Variants in ENOSF1 observed in about 807,000 individuals in gnomAD.
The protein encoded by ENOSF1 is mitochondrial enolase superfamily member 1.
In ENOSF1, 73 loss-of-function variants were observed where a neutral mutation model predicts 68.2. That is an observed-to-expected ratio of 1.07 (90% CI 0.89 to 1.30). The LOEUF is 1.30. ENOSF1 is among the 50% of genes most tolerant of loss of function. The pLI, the probability that ENOSF1 is intolerant of heterozygous loss-of-function variation, is 0.00. For missense variants in ENOSF1, 589 were observed against 554.5 expected, an observed-to-expected ratio of 1.06 and a Z score of -0.62; for synonymous variants, 223 against 210.4, an observed-to-expected ratio of 1.06 and a Z score of -0.52.
At chr18:686,711 T>C (rs1033919027) in intron 9 of ENOSF1, 2 of 152,262 alleles carry the variant, frequency 1.3e-5, no homozygotes, top group African/African-American at 4.8e-5. Context: ...GTGTGGGCAC[T>C]GGCAGGTGGA....
chr18:691,152 A>G (rs1230235581), intron 6 of ENOSF1, 46 bp from the exon 7 acceptor site: 1 of 1,613,486 alleles, frequency 6.2e-7, no homozygotes, highest in Admixed American at 1.7e-5. Context: ...GAAACAAAGC[A>G]TGCCACTACT....
At chr18:692,747 C>G (rs2077324587) in intron 5 of ENOSF1, 1 of 995,780 alleles carries the variant, frequency 1.0e-6, no homozygotes, top group East Asian at 1.1e-4. Flanking sequence ...TGGCTACCTC[C>G]TCCATCCCCG....
intron 1 of ENOSF1, among the ~76,000 whole-genome samples, chr18:708,239 A>T (rs2145500678): frequency 6.6e-6 from 1 of 152,148 alleles, no homozygotes; most frequent in South Asian, 2.1e-4. Flanking sequence ...GATGGCTGGG[A>T]GCCCTGAGTC....
chr18:706,657 G>T, intron 1 of ENOSF1, 79 bp from the exon 2 acceptor site: 2 of 1,073,964 alleles, frequency 1.9e-6, no homozygotes, highest in Non-Finnish European at 2.9e-6. Flanking sequence ...TGTCACATGA[G>T]GACAGACAAT....
intron 5 of ENOSF1, 79 bp from the exon 6 acceptor site, chr18:691,355 C>CT (rs1380699320): frequency 5.7e-6 from 7 of 1,220,090 alleles, no homozygotes; most frequent in Non-Finnish European, 8.1e-6. Flanking sequence ...ATTTATTATT[C>CT]TTTTTTTAGA....
intron 11 of ENOSF1, among the ~76,000 whole-genome samples, chr18:679,201 CTCA>C (rs2075828947): frequency 7.4e-6 from 1 of 134,522 alleles, no homozygotes; most frequent in Non-Finnish European, 1.6e-5. Flanking sequence ...CTAGAACCCT[CTCA>C]TATCTTTTTT....
Position 712,302 on chromosome 18 carries a change from G to T in ENOSF1, c.84+202C>A. 5.3e-6 allele frequency: 8 copies of T among 1,502,196 alleles called. 1 individual carries two copies. The highest frequency in any genetic ancestry group is 4.2e-5 in the Admixed American group (2 of 47,230). 93.1% of individuals were successfully genotyped at this position (1,502,196 alleles called of 1,614,324 possible). A position where few individuals can be genotyped will look rare whatever the true frequency, so the allele number is the denominator to read the frequency against. On this transcript the variant is annotated intron_variant, in intron 1 of 15. Coordinates refer to ENST00000647584, the MANE Select transcript of ENOSF1 (RefSeq NM_017512.7). Reference sequence around the variant, plus strand: ...GGTTCGAAGTCGGGAAGCTGCCCGGGGCCCGCAGAGCTGCAGTCGGCGGGG... The same window carrying T: ...GGTTCGAAGTCGGGAAGCTGCCCGGTGCCCGCAGAGCTGCAGTCGGCGGGG...
intron 2 of ENOSF1, among the ~76,000 whole-genome samples, chr18:705,014 G>GTAAC (rs1555672295): frequency 6.6e-6 from 1 of 152,220 alleles, no homozygotes; most frequent in African/African-American, 2.4e-5. Flanking sequence ...GTGAAGAGCA[G>GTAAC]TAACAGCAGC....
rs2079733302 is a variant in ENOSF1, at chr18:712,609, CG to C, written c.-23del. 1.5e-6 allele frequency: 2 copies of C among 1,319,150 alleles called. No individual in the cohort carries two copies. The highest frequency in any genetic ancestry group is 2.3e-5 in the Admixed American group (1 of 44,096). 81.7% of individuals were successfully genotyped at this position (1,319,150 alleles called of 1,614,324 possible). A position where few individuals can be genotyped will look rare whatever the true frequency, so the allele number is the denominator to read the frequency against. ...CCATGGCCCCTGCGCCCCGTGGCCG[CG>C]GCCCCCGTGCGGTCAGGACTGGTCG... On this transcript the variant is annotated 5_prime_UTR_variant, in exon 1 of 16. Transcript: ENST00000647584.
chr18:712,013 A>G (rs559935987), intron 1 of ENOSF1, among the ~76,000 whole-genome samples: 1 of 152,286 alleles, frequency 6.6e-6, no homozygotes, highest in African/African-American at 2.4e-5. Context: ...CGTCGCGTTC[A>G]GGGTACAGAG....
chr18:688,416 GC>G lies in ENOSF1; in HGVS notation c.653+157del, dbSNP rs1742076273. The G allele has an allele frequency of 1.8e-5, 14 of 776,170 alleles. No individual in the cohort carries two copies. In the South Asian group the frequency reaches 2.5e-4, roughly 14 times the overall value. 48.1% of individuals were successfully genotyped at this position (776,170 alleles called of 1,614,324 possible). A position where few individuals can be genotyped will look rare whatever the true frequency, so the allele number is the denominator to read the frequency against. ...CTCACATCCTGCCTTTAGAGAAAGA[GC>G]CTGGCCTAAGGGGAAACTTCTCTTA... On this transcript the variant is annotated intron_variant, in intron 9 of 15. Coordinates refer to ENST00000647584, the MANE Select transcript of ENOSF1 (RefSeq NM_017512.7).
intron 12 of ENOSF1, chr18:678,352 C>G (rs1009703423): frequency 2.7e-6 from 1 of 373,532 alleles, no homozygotes; most frequent in Non-Finnish European, 4.8e-6. Flanking sequence ...TTTATAAGCT[C>G]AAAAAGTGAA....
intron 5 of ENOSF1, 35 bp from the exon 6 acceptor site, chr18:691,311 C>A: frequency 6.5e-7 from 1 of 1,543,780 alleles, no homozygotes; most frequent in South Asian, 1.1e-5. Flanking sequence ...AGGCCTGAAT[C>A]AATTATAAGG....
chr18:691,337 T>G, intron 5 of ENOSF1, 61 bp from the exon 6 acceptor site: 1 of 1,402,186 alleles, frequency 7.1e-7, no homozygotes, highest in Non-Finnish European at 9.9e-7. Context: ...TATATTTTGT[T>G]TTTTAAAATT....
chr18:675,863 A>C (rs543731811), intron 14 of ENOSF1, among the ~76,000 whole-genome samples: 10 of 152,098 alleles, frequency 6.6e-5, no homozygotes, highest in Admixed American at 2.0e-4. Flanking sequence ...TCACTGCCTC[A>C]GCTGGGCATC....
intron 1 of ENOSF1, among the ~76,000 whole-genome samples, chr18:711,711 T>C (rs1408099810): frequency 6.6e-6 from 1 of 152,188 alleles, no homozygotes; most frequent in Non-Finnish European, 1.5e-5. Flanking sequence ...AATATTTAGG[T>C]AGGAGTCAGA....
chr18:686,306 T>A, intron 9 of ENOSF1: 2 of 343,372 alleles, frequency 5.8e-6, no homozygotes, highest in African/African-American at 2.1e-5. Flanking sequence ...TGAAAAGGAA[T>A]TAAGAACAAA....
At chr18:704,440 G>GAAGA (rs1342421871) in intron 2 of ENOSF1, among the ~76,000 whole-genome samples, 7 of 97,240 alleles carry the variant, frequency 7.2e-5, no homozygotes, top group African/African-American at 2.7e-4. Context: ...AAAAAGAAAA[G>GAAGA]AAAAAAAAAA....
At chr18:675,568 G>A in intron 14 of ENOSF1, 166 bp from the exon 15 acceptor site, 1 of 615,870 alleles carries the variant, frequency 1.6e-6, no homozygotes, top group South Asian at 2.0e-5. Context: ...CTGTGCCTCA[G>A]GTCCTTTTCT....
Sources: allele counts gnomAD v4.1 joint callset (sites outside exome capture counted in the v4.1 genomes callset), GRCh38; gene constraint gnomAD v4.1.1; transcripts MANE v1.5; gene names NCBI Gene and HGNC (gene_info 2026-07-23, HGNC 2026-07-21).